Variants in INPP5A observed in about 807,000 individuals in gnomAD.
INPP5A encodes the protein 43 kDa inositol polyphosphate 5-phophatase.
A neutral mutation model predicts 65.2 loss-of-function variants in INPP5A; 14 were observed. The ratio of observed to expected loss-of-function variants is 0.21; its 90% CI spans 0.14 to 0.34. The LOEUF is 0.34. Among genes scored for constraint, INPP5A ranks in the 10% least tolerant of loss-of-function variants. INPP5A has a pLI of 1.00. For synonymous variants in INPP5A, 207 were observed against 208.3 expected, an observed-to-expected ratio of 0.99 and a Z score of 0.05; for missense variants, 431 against 545.6, an observed-to-expected ratio of 0.79 and a Z score of 2.09.
intron 14 of INPP5A, 75 bp downstream of exon 14, chr10:132,780,992 TGGG>T: frequency 5.4e-6 from 1 of 184,990 alleles, no homozygotes; most frequent in Admixed American, 7.4e-5. Flanking sequence ...CTGGGGCCAG[TGGG>T]TGGGCGGGTG....
chr10:132,692,071 C>T (rs944207278), intron 5 of INPP5A, among the ~76,000 whole-genome samples: 1 of 152,050 alleles, frequency 6.6e-6, no homozygotes, highest in African/African-American at 2.4e-5. Context: ...GGCGGTTGGG[C>T]TCGAGGGTCA....
intron 1 of INPP5A, among the ~76,000 whole-genome samples, chr10:132,554,156 A>C (rs1018379250): frequency 6.6e-6 from 1 of 152,172 alleles, no homozygotes; most frequent in African/African-American, 2.4e-5. Flanking sequence ...GCCTTGGTTA[A>C]ATATTTATTC....
chr10:132,656,197 C>T (rs866851712), intron 4 of INPP5A, among the ~76,000 whole-genome samples: 6 of 152,034 alleles, frequency 3.9e-5, no homozygotes, highest in Admixed American at 6.6e-5. Context: ...TCTCTCCATG[C>T]AGCTCCTTCA....
rs567043184 is a variant in INPP5A, at chr10:132,699,413, G to A, written c.474+1494G>A. ...CAGGCGCTGCCACCTGATGGCATGAGGAGAGCAGCTGTGGGTGGCTGGGCT... is the reference window on the plus strand; with the variant it reads ...CAGGCGCTGCCACCTGATGGCATGAAGAGAGCAGCTGTGGGTGGCTGGGCT... On this transcript the variant is annotated intron_variant, in intron 6 of 15. Coordinates refer to ENST00000368594, the MANE Select transcript of INPP5A (RefSeq NM_005539.5). Among the ~76,000 whole-genome samples, 154 of 152,208 alleles carry A rather than the reference G, an allele frequency of 1.0e-3. 2 individuals carry two copies. Among genetic ancestry groups the A allele is most frequent in the African/African-American group, 3.6e-3 (150 of 41,522 alleles).
chr10:132,703,911 C>G (rs1845487463), intron 6 of INPP5A, among the ~76,000 whole-genome samples: 2 of 121,536 alleles, frequency 1.6e-5, no homozygotes, highest in South Asian at 6.2e-4. Flanking sequence ...TGGCTTCACC[C>G]CCACACACAC....
At chr10:132,625,866 GTGTGTGTGTGTT>G (rs1166248681) in intron 2 of INPP5A, among the ~76,000 whole-genome samples, 295 of 151,586 alleles carry the variant, frequency 1.9e-3, no homozygotes, top group African/African-American at 6.7e-3. Context: ...GTGTGTGTGT[GTGTGTGTGTGTT>G]TGTGTGTGTG....
intron 12 of INPP5A, among the ~76,000 whole-genome samples, chr10:132,766,580 C>T (rs963775813): frequency 2.0e-5 from 3 of 152,086 alleles, no homozygotes; most frequent in East Asian, 1.9e-4. Flanking sequence ...GGTGTGCTCG[C>T]GTACATGGTT....
At chr10:132,630,943 G>T (rs2072264027) in intron 2 of INPP5A, among the ~76,000 whole-genome samples, 1 of 152,182 alleles carries the variant, frequency 6.6e-6, no homozygotes, top group Non-Finnish European at 1.5e-5. Context: ...GGCTCCATCT[G>T]CAGATTTGCT....
intron 1 of INPP5A, among the ~76,000 whole-genome samples, chr10:132,606,342 C>T (rs553384230): frequency 5.9e-5 from 9 of 151,754 alleles, no homozygotes; most frequent in Non-Finnish European, 1.2e-4. Context: ...TCCTCAGTGG[C>T]GGGACAGTGG....
intron 4 of INPP5A, among the ~76,000 whole-genome samples, chr10:132,681,577 A>G (rs1322734770): frequency 6.6e-6 from 1 of 152,210 alleles, no homozygotes; most frequent in Non-Finnish European, 1.5e-5. Context: ...AGAACCCACC[A>G]ATTCCGGACA....
intron 11 of INPP5A, among the ~76,000 whole-genome samples, chr10:132,765,474 T>C (rs116556487): frequency 0.02 from 2,999 of 152,276 alleles, 77 homozygotes; most frequent in African/African-American, 0.067. Flanking sequence ...GGGCTGCTAC[T>C]GGGGCTGCCA....
Position 132,763,373 on chromosome 10 carries a change from C to T in INPP5A, c.904-2400C>T, listed in dbSNP as rs553844116. ...AGAAGCCAGCAGGGCCCACGCTGGA[C>T]TGGGGACGCTGCTGCATCTCTGATG... On this transcript the variant is annotated intron_variant, in intron 11 of 15. Coordinates refer to ENST00000368594, the MANE Select transcript of INPP5A (RefSeq NM_005539.5). Among the ~76,000 whole-genome samples, 10 of 152,392 alleles carry T rather than the reference C, an allele frequency of 6.6e-5. No individual in the cohort carries two copies. In the South Asian group the frequency reaches 2.1e-3, roughly 32 times the overall value.
intron 4 of INPP5A, among the ~76,000 whole-genome samples, chr10:132,687,011 C>T (rs1359607672): frequency 6.6e-6 from 1 of 152,234 alleles, no homozygotes; most frequent in Non-Finnish European, 1.5e-5. Context: ...GTGGCATGAT[C>T]TCAGCTCACT....
intron 2 of INPP5A, among the ~76,000 whole-genome samples, chr10:132,642,697 G>T (rs2072441568): frequency 6.6e-6 from 1 of 152,188 alleles, no homozygotes; most frequent in Non-Finnish European, 1.5e-5. Flanking sequence ...GCTGTTGAGA[G>T]AAACCAAGCT....
chr10:132,663,415 G>A lies in INPP5A; in HGVS notation c.306+12910G>A, dbSNP rs2072761556. Among the ~76,000 whole-genome samples the A allele has an allele frequency of 6.6e-6, 1 of 152,130 alleles. No individual in the cohort carries two copies. The highest frequency in any genetic ancestry group is 6.5e-5 in the Admixed American group (1 of 15,268). On this transcript the variant is annotated intron_variant, in intron 4 of 15. Coordinates refer to ENST00000368594, the MANE Select transcript of INPP5A (RefSeq NM_005539.5). This position sits in a 1 kb window ranked among gnomAD's most constrained non-coding sequence, Gnocchi z 4.5. ...AAAAAACTGTTTATAGAGACTGGGT[G>A]TCACCGTGTTGCCCAGTCAGGTCTC... is the stretch of plus-strand genomic sequence containing the variant.
chr10:132,589,847 G>A (rs1043485528), intron 1 of INPP5A, among the ~76,000 whole-genome samples: 12 of 152,216 alleles, frequency 7.9e-5, no homozygotes, highest in African/African-American at 2.9e-4. Context: ...TGGGGTTAGG[G>A]GGTGACGCAG....
chr10:132,685,840 C>T (rs2073108157), intron 4 of INPP5A, among the ~76,000 whole-genome samples: 1 of 152,306 alleles, frequency 6.6e-6, no homozygotes, highest in Middle Eastern at 3.4e-3. Flanking sequence ...AAAGTGGGCC[C>T]GCTATCAGAA....
At chr10:132,610,282 C>T (rs948467987) in intron 2 of INPP5A, among the ~76,000 whole-genome samples, 2 of 152,238 alleles carry the variant, frequency 1.3e-5, no homozygotes, top group Non-Finnish European at 2.9e-5. Flanking sequence ...CAGCCCCTGG[C>T]AATTGTTTCC....
At chr10:132,764,340 A>G (rs112280110) in intron 11 of INPP5A, among the ~76,000 whole-genome samples, 3,144 of 152,296 alleles carry the variant, frequency 0.021, 87 homozygotes, top group African/African-American at 0.07. Context: ...GAGGGTGTGC[A>G]TGGTGACCGC....
Sources: gnomAD v4.1 joint callset for allele counts (sites outside exome capture counted in the v4.1 genomes callset) on GRCh38, gnomAD v4.1.1 for gene constraint, Gnocchi (gnomAD v3.1) non-coding constraint, MANE v1.5 for transcripts, NCBI Gene and HGNC (gene_info 2026-07-23, HGNC 2026-07-21) for gene names.